SEMA6D: variants seen among roughly 807,000 people sequenced by gnomAD.
SEMA6D encodes semaphorin 6D.
Under a neutral mutation model 106.6 loss-of-function variants are expected in SEMA6D, and 35 were observed. The ratio of observed to expected loss-of-function variants is 0.33; its 90% CI spans 0.25 to 0.44. SEMA6D has a LOEUF of 0.44. Ranked by LOEUF, SEMA6D falls within the 20% of genes least tolerant of loss-of-function variation. The pLI is 1.00. For missense variants in SEMA6D, 1,185 were observed against 1,345.9 expected, an observed-to-expected ratio of 0.88 and a Z score of 1.87; for synonymous variants, 499 against 487.7, an observed-to-expected ratio of 1.02 and a Z score of -0.31.
At chr15:47,199,922 A>C (rs1446733609) in intron 1 of SEMA6D, among the ~76,000 whole-genome samples, 1 of 152,138 alleles carries the variant, frequency 6.6e-6, no homozygotes, top group East Asian at 1.9e-4. Flanking sequence ...TCTCATTATG[A>C]AAGTTACTAT....
chr15:47,422,223 TTCCTTCC>T lies in SEMA6D; in HGVS notation c.-159+9753_-159+9759del, dbSNP rs1314166502. On this transcript the variant is annotated intron_variant, in intron 2 of 19. Transcript: ENST00000558014. ...CTTCCTTCCTTCCTTCCTTCCTTCC[TTCCTTCC>T]TTCCATTTTCTTATAACTGCATATT... is the stretch of plus-strand genomic sequence containing the variant. 4.5e-3 allele frequency among the ~76,000 whole-genome samples: 676 copies of T among 151,074 alleles called. 2 individuals are homozygous for T. Among genetic ancestry groups the T allele is most frequent in the African/African-American group, 0.016 (649 of 41,252 alleles).
chr15:47,697,389 A>C (rs2078723120), intron 4 of SEMA6D, among the ~76,000 whole-genome samples: 1 of 152,164 alleles, frequency 6.6e-6, no homozygotes, highest in Non-Finnish European at 1.5e-5. Flanking sequence ...AACTCCCACA[A>C]GAACTTCTCA....
chr15:47,681,382 G>A (rs2078349527), intron 4 of SEMA6D, among the ~76,000 whole-genome samples: 2 of 152,128 alleles, frequency 1.3e-5, no homozygotes, highest in African/African-American at 2.4e-5. Flanking sequence ...ATTTATCTGA[G>A]GTATCTAAAG....
At chr15:47,219,185 A>T (rs2030954636) in intron 1 of SEMA6D, among the ~76,000 whole-genome samples, 1 of 152,160 alleles carries the variant, frequency 6.6e-6, no homozygotes, top group Non-Finnish European at 1.5e-5. Flanking sequence ...AAGATTCATT[A>T]TTGTTTGGAT....
intron 1 of SEMA6D, among the ~76,000 whole-genome samples, chr15:47,719,090 A>G (rs2079263798): frequency 7.1e-6 from 1 of 141,766 alleles, no homozygotes; most frequent in African/African-American, 2.6e-5. Flanking sequence ...TCTTGGGACC[A>G]TTGCTGTCAG....
At chr15:47,511,481 AC>A (rs1312296841) in intron 3 of SEMA6D, among the ~76,000 whole-genome samples, 1 of 152,074 alleles carries the variant, frequency 6.6e-6, no homozygotes, top group African/African-American at 2.4e-5. Flanking sequence ...ATTGGATCCC[AC>A]ATCTCCTGCT....
intron 4 of SEMA6D, among the ~76,000 whole-genome samples, chr15:47,705,714 C>G (rs2078900357): frequency 6.6e-6 from 1 of 152,114 alleles, no homozygotes; most frequent in South Asian, 2.1e-4. Flanking sequence ...AGACCAGTTC[C>G]CCAGGAAATT....
At chr15:47,374,353 A>G (rs1485254478) in intron 1 of SEMA6D, among the ~76,000 whole-genome samples, 15 of 152,160 alleles carry the variant, frequency 9.9e-5, no homozygotes, top group Admixed American at 9.8e-4. Flanking sequence ...AAGGGATAAG[A>G]ATCAAGCAGA....
At chr15:47,236,392 T>TAATA (rs1030843690) in intron 1 of SEMA6D, among the ~76,000 whole-genome samples, 37 of 152,252 alleles carry the variant, frequency 2.4e-4, no homozygotes, top group African/African-American at 8.7e-4. Context: ...AGAGTCAATA[T>TAATA]AATAGAATTC....
intron 2 of SEMA6D, among the ~76,000 whole-genome samples, chr15:47,437,103 G>C (rs947072416): frequency 2.6e-5 from 4 of 151,866 alleles, no homozygotes; most frequent in African/African-American, 9.7e-5. Flanking sequence ...TTGGTTGTCT[G>C]TCTCTCACTG....
chr15:47,516,579 C>G (rs1414473362), intron 3 of SEMA6D, among the ~76,000 whole-genome samples: 1 of 152,152 alleles, frequency 6.6e-6, no homozygotes, highest in Non-Finnish European at 1.5e-5. Flanking sequence ...CTCCAGAGCT[C>G]CTCCCCATTG....
intron 1 of SEMA6D, among the ~76,000 whole-genome samples, chr15:47,273,293 C>T (rs1178108493): frequency 6.6e-6 from 1 of 151,114 alleles, no homozygotes; most frequent in Non-Finnish European, 1.5e-5. Context: ...ACTTACAGTG[C>T]CCAAGCCAGT....
At chr15:47,349,189 A>G (rs2038209996) in intron 1 of SEMA6D, among the ~76,000 whole-genome samples, 1 of 151,956 alleles carries the variant, frequency 6.6e-6, no homozygotes, top group Non-Finnish European at 1.5e-5. Flanking sequence ...TCTCCCATGC[A>G]GAAGGGAATC....
intron 1 of SEMA6D, among the ~76,000 whole-genome samples, chr15:47,258,770 A>G (rs1416481074): frequency 1.3e-5 from 2 of 152,084 alleles, no homozygotes; most frequent in Non-Finnish European, 2.9e-5. Context: ...CATAATAAAT[A>G]TCATACATAT....
chr15:47,364,502 G>A (rs751747544), intron 1 of SEMA6D, among the ~76,000 whole-genome samples: 7 of 152,174 alleles, frequency 4.6e-5, no homozygotes, highest in Non-Finnish European at 7.3e-5. Flanking sequence ...AGAAGCAGCA[G>A]CATAATTACC....
chr15:47,227,413 T>TTC (rs1224898836), intron 1 of SEMA6D, among the ~76,000 whole-genome samples: 20 of 51,154 alleles, frequency 3.9e-4, no homozygotes, highest in South Asian at 2.2e-3. Context: ...ATGTCTTTCT[T>TTC]TCTTTCTCTT....
intron 4 of SEMA6D, among the ~76,000 whole-genome samples, chr15:47,633,518 A>C (rs1276626988): frequency 2.6e-5 from 4 of 152,100 alleles, no homozygotes; most frequent in Non-Finnish European, 5.9e-5. Flanking sequence ...CCCATGAGTT[A>C]TGTATCATTT....
chr15:47,675,963 G>GA (rs1365371271), intron 4 of SEMA6D, among the ~76,000 whole-genome samples: 1 of 151,250 alleles, frequency 6.6e-6, no homozygotes, highest in African/African-American at 2.4e-5. Context: ...GGGGAGGGGG[G>GA]AGAAGCCTTT....
chr15:47,614,729 A>T (rs76909492), intron 4 of SEMA6D, among the ~76,000 whole-genome samples: 7,437 of 152,238 alleles, frequency 0.049, 207 homozygotes, highest in South Asian at 0.081. Flanking sequence ...ATGGTTTAGG[A>T]TCTACAATCA....
Sources: gnomAD v4.1 joint callset for allele counts (sites outside exome capture counted in the v4.1 genomes callset) on GRCh38, gnomAD v4.1.1 for gene constraint, MANE v1.5 for transcripts, NCBI Gene and HGNC (gene_info 2026-07-23, HGNC 2026-07-21) for gene names.